MROH9: variants seen among roughly 807,000 people sequenced by gnomAD.
MROH9 encodes maestro heat like repeat family member 9.
MROH9 carries 92 observed loss-of-function variants against 98.2 expected under a neutral mutation model. The ratio of observed to expected loss-of-function variants is 0.94; its 90% CI spans 0.79 to 1.11. The LOEUF (loss-of-function observed/expected upper bound fraction) is 1.11, where lower values mean the gene tolerates loss of function less well. MROH9 is among the 50% of genes most tolerant of loss of function. MROH9 has a pLI of 0.00. For missense variants in MROH9, 1,057 were observed against 1,014.8 expected (o/e 1.04, Z -0.57); for synonymous variants, 397 against 368.9 (o/e 1.08, Z -0.87).
chr1:170,983,647 A>G (rs2101799926), intron 9 of MROH9, 113 bp downstream of exon 9: 2 of 646,420 alleles, frequency 3.1e-6, no homozygotes, highest in East Asian at 5.5e-5. Flanking sequence ...TTTTTTTTAA[A>G]CTCAGTGTGA....
intron 19 of MROH9, 51 bp downstream of exon 19, chr1:171,024,816 C>G (rs1001095948): frequency 9.2e-7 from 1 of 1,089,342 alleles, no homozygotes; most frequent in Admixed American, 2.1e-5. Context: ...ACAAAACTTA[C>G]AGGATATCCA....
intron 20 of MROH9, among the ~76,000 whole-genome samples, chr1:171,050,190 C>T (rs1030559082): frequency 2.0e-5 from 3 of 152,114 alleles, no homozygotes; most frequent in Non-Finnish European, 2.9e-5. Flanking sequence ...TGAAGACTTA[C>T]TAAATTTCTT....
At chr1:170,973,123 A>C (rs1557880106) in intron 8 of MROH9, among the ~76,000 whole-genome samples, 1 of 152,158 alleles carries the variant, frequency 6.6e-6, no homozygotes, top group Non-Finnish European at 1.5e-5. Flanking sequence ...GCATACACAC[A>C]CACACACACG....
rs200959672 is a variant in MROH9, at chr1:170,965,029, T to G, written c.376-122T>G. 44 of 607,654 alleles carry G rather than the reference T, an allele frequency of 7.2e-5. No individual in the cohort carries two copies. The East Asian group carries it at 1.2e-3, about 16-fold the overall frequency. The allele number at this position is 607,654 out of a possible 1,614,324, so 37.6% of individuals were successfully genotyped here. ...TCTGTGTTTTTGAGATAAATGTAGG[T>G]TAAGTGTGAAATAACCAGGAGAATG... is the stretch of plus-strand genomic sequence containing the variant. On this transcript the variant is annotated intron_variant, in intron 6 of 21. Coordinates refer to ENST00000367759, the MANE Select transcript of MROH9 (RefSeq NM_001163629.2).
At chr1:171,017,684 T>A (rs1454719497) in intron 17 of MROH9, among the ~76,000 whole-genome samples, 1 of 152,136 alleles carries the variant, frequency 6.6e-6, no homozygotes, top group Non-Finnish European at 1.5e-5. Flanking sequence ...GCCATCTCTA[T>A]AGCTCTAGGC....
chr1:171,034,267 A>G (rs1557907159), intron 20 of MROH9, among the ~76,000 whole-genome samples: 1 of 152,216 alleles, frequency 6.6e-6, no homozygotes, highest in African/African-American at 2.4e-5. Flanking sequence ...TTTCAAAAAG[A>G]CAAGAACTCA....
At chr1:171,005,158 A>G (rs1358186132) in intron 15 of MROH9, among the ~76,000 whole-genome samples, 1 of 152,080 alleles carries the variant, frequency 6.6e-6, no homozygotes, top group Non-Finnish European at 1.5e-5. Flanking sequence ...TGTGTCCTCC[A>G]TGCTCAAGCA....
chr1:170,957,630 G>C (rs9427200), intron 3 of MROH9, among the ~76,000 whole-genome samples: 12,130 of 151,796 alleles, frequency 0.08, 621 homozygotes, highest in Non-Finnish European at 0.11. Context: ...AGATTGTTTT[G>C]GCTATTGGAG....
intron 2 of MROH9, 70 bp downstream of exon 2, chr1:170,945,651 A>T: frequency 1.5e-6 from 2 of 1,349,592 alleles, no homozygotes; most frequent in Non-Finnish European, 2.1e-6. Context: ...TGAGTGACAG[A>T]TGACAGAGAG....
chr1:170,964,740 A>G (rs1650164405), intron 6 of MROH9, among the ~76,000 whole-genome samples: 1 of 152,090 alleles, frequency 6.6e-6, no homozygotes, highest in Non-Finnish European at 1.5e-5. Flanking sequence ...ATGATATTGC[A>G]GGATCAGACA....
chr1:171,025,280 C>A, intron 19 of MROH9, 38 bp from the exon 20 acceptor site: 2 of 1,276,980 alleles, frequency 1.6e-6, no homozygotes, highest in Non-Finnish European at 2.2e-6. Context: ...TCTATTTCAG[C>A]AATCGAGTGA....
intron 17 of MROH9, among the ~76,000 whole-genome samples, chr1:171,023,702 A>G (rs1287978963): frequency 6.6e-6 from 1 of 152,192 alleles, no homozygotes; most frequent in African/African-American, 2.4e-5. Flanking sequence ...CAAATGATTA[A>G]ATCAAACAAA....
Position 170,965,179 on chromosome 1 carries a change from G to T in MROH9, c.404G>T (p.Ser135Ile). 2 of 1,610,868 alleles carry T rather than the reference G, an allele frequency of 1.2e-6. No individual in the cohort carries two copies. The highest frequency in any genetic ancestry group is 1.7e-6 in the Non-Finnish European group (2 of 1,177,720). ...KEMLVWMSKD[S>I]SYLQERIMVI... ...ATGCTCGTGTGGATGAGTAAAGATA[G>T]CTCATATCTGCAAGAGAGAATAATG... The change falls in exon 7 of 22, where the codon AGC becomes ATC. Residue 135 changes from serine (S) to isoleucine (I), a missense_variant. Coordinates refer to ENST00000367759, the MANE Select transcript of MROH9 (RefSeq NM_001163629.2).
chr1:171,044,256 G>A (rs1210180670), intron 20 of MROH9, among the ~76,000 whole-genome samples: 1 of 152,094 alleles, frequency 6.6e-6, no homozygotes, highest in African/African-American at 2.4e-5. Context: ...TTGATACAAT[G>A]TATTACAGTG....
At chr1:170,956,016 T>A (rs1649744272) in intron 3 of MROH9, among the ~76,000 whole-genome samples, 2 of 152,192 alleles carry the variant, frequency 1.3e-5, no homozygotes, top group African/African-American at 4.8e-5. Flanking sequence ...GAGGATCCAG[T>A]TTCATTCTCC....
chr1:170,968,474 A>G (rs561456750), intron 7 of MROH9, among the ~76,000 whole-genome samples: 4 of 152,186 alleles, frequency 2.6e-5, no homozygotes, highest in Non-Finnish European at 1.5e-5. Context: ...ACAAAACCCC[A>G]TCAAGAGGCA....
chr1:170,943,087 T>G (rs1649186660), intron 1 of MROH9, among the ~76,000 whole-genome samples: 2 of 151,988 alleles, frequency 1.3e-5, no homozygotes, highest in African/African-American at 4.8e-5. Context: ...AAAGAATCAA[T>G]ACAGGATCTA....
intron 20 of MROH9, among the ~76,000 whole-genome samples, chr1:171,044,897 A>G (rs923911030): frequency 2.0e-5 from 3 of 150,178 alleles, no homozygotes; most frequent in Non-Finnish European, 4.4e-5. Flanking sequence ...TAACTTTTAA[A>G]AAAAGCCAAC....
At chr1:170,958,783 T>A (rs754306362) in intron 4 of MROH9, among the ~76,000 whole-genome samples, 2 of 152,196 alleles carry the variant, frequency 1.3e-5, no homozygotes, top group Non-Finnish European at 2.9e-5. Flanking sequence ...CATCTCAATG[T>A]AAGAAATACT....
Sources: allele counts gnomAD v4.1 joint callset (sites outside exome capture counted in the v4.1 genomes callset), GRCh38; gene constraint gnomAD v4.1.1; transcripts MANE v1.5; gene names NCBI Gene and HGNC (gene_info 2026-07-23, HGNC 2026-07-21).